The following SHANK2 variants were observed in gnomAD, a reference collection of about 807,000 sequenced individuals.
SHANK2 encodes the protein SH3 and multiple ankyrin repeat domains 2.
Under a neutral mutation model 133.7 loss-of-function variants are expected in SHANK2, and 43 were observed. The ratio of observed to expected loss-of-function variants is 0.32; its 90% CI spans 0.25 to 0.41. The LOEUF (loss-of-function observed/expected upper bound fraction) is 0.41, where lower values mean the gene tolerates loss of function less well. Ranked by LOEUF, SHANK2 falls within the 10% of genes least tolerant of loss-of-function variation. The probability of loss-of-function intolerance (pLI) is 1.00; values close to 1 mark genes in which losing one functional copy is unlikely to be tolerated. For missense variants in SHANK2, 1,994 were observed against 2,235.8 expected, an observed-to-expected ratio of 0.89 and a Z score of 2.18; for synonymous variants, 1,017 against 952.8, an observed-to-expected ratio of 1.07 and a Z score of -1.24.
intron 17 of SHANK2, among the ~76,000 whole-genome samples, chr11:70,554,983 G>A (rs1447951101): frequency 2.7e-5 from 4 of 149,738 alleles, no homozygotes; most frequent in Admixed American, 1.3e-4. Flanking sequence ...CCAACAGCAC[G>A]TGCTCACTTT....
At chr11:71,177,468 G>A (rs1186262104) in intron 2 of SHANK2, among the ~76,000 whole-genome samples, 1 of 152,116 alleles carries the variant, frequency 6.6e-6, no homozygotes, top group Non-Finnish European at 1.5e-5. Flanking sequence ...TGATAAAAGT[G>A]TAGTAAGATA....
intron 2 of SHANK2, among the ~76,000 whole-genome samples, chr11:71,184,351 C>T (rs929094606): frequency 6.6e-6 from 1 of 152,190 alleles, no homozygotes; most frequent in Non-Finnish European, 1.5e-5. Flanking sequence ...AGGCTGCACA[C>T]AGAGGCATCC....
intron 10 of SHANK2, among the ~76,000 whole-genome samples, chr11:70,925,399 A>G (rs1555081399): frequency 6.6e-6 from 1 of 152,196 alleles, no homozygotes; most frequent in Non-Finnish European, 1.5e-5. Flanking sequence ...CTGGAAACCA[A>G]GCTGTGTAAT....
chr11:70,546,786 G>A (rs1263828988), intron 17 of SHANK2, among the ~76,000 whole-genome samples: 2 of 152,200 alleles, frequency 1.3e-5, no homozygotes, highest in African/African-American at 2.4e-5. Context: ...GGCTCTGGGT[G>A]TCTCCAGCGT....
chr11:70,501,713 C>T (rs1199001851), intron 20 of SHANK2, among the ~76,000 whole-genome samples: 3 of 152,196 alleles, frequency 2.0e-5, no homozygotes, highest in Non-Finnish European at 4.4e-5. Flanking sequence ...ACAAAGGTGC[C>T]GGGCGTTCCC....
intron 1 of SHANK2, among the ~76,000 whole-genome samples, chr11:71,240,229 C>A (rs1313724729): frequency 6.6e-6 from 1 of 152,114 alleles, no homozygotes; most frequent in Non-Finnish European, 1.5e-5. Flanking sequence ...TGTATCTTCT[C>A]CCGAGGTCCA....
intron 8 of SHANK2, among the ~76,000 whole-genome samples, chr11:71,079,910 GGGA>G (rs1951274981): frequency 9.9e-6 from 1 of 100,608 alleles, no homozygotes; most frequent in African/African-American, 3.8e-5. Flanking sequence ...GGGAGGGGAG[GGGA>G]AGGAAGGGGA....
In SHANK2 at chr11:71,094,477, G is replaced by C. The variant is rs981589231; in HGVS notation, c.744+60C>G. ...GGATGGGCACTGCGGGGATGGGATG[G>C]GGCAGCCGCACGGAATCAGAGCACG... On this transcript the variant is annotated intron_variant, in intron 7 of 25. Coordinates refer to ENST00000601538, the MANE Select transcript of SHANK2 (RefSeq NM_012309.5). 3 of 1,499,478 alleles carry C rather than the reference G, an allele frequency of 2.0e-6. No homozygotes were observed. The African/African-American group carries it at 4.2e-5, about 21-fold the overall frequency. 92.9% of individuals were successfully genotyped at this position (1,499,478 alleles called of 1,614,324 possible). A position where few individuals can be genotyped will look rare whatever the true frequency, so the allele number is the denominator to read the frequency against.
intron 12 of SHANK2, among the ~76,000 whole-genome samples, chr11:70,812,323 T>C (rs1333728220): frequency 6.6e-6 from 1 of 152,240 alleles, no homozygotes; most frequent in African/African-American, 2.4e-5. Context: ...TTGCAGGCAG[T>C]GATTACCGGG....
intron 2 of SHANK2, among the ~76,000 whole-genome samples, chr11:71,223,061 G>A (rs1555121568): frequency 6.6e-6 from 1 of 152,252 alleles, no homozygotes; most frequent in East Asian, 1.9e-4. Flanking sequence ...TAGAGAGGGA[G>A]CTCAGAGATT....
intron 17 of SHANK2, among the ~76,000 whole-genome samples, chr11:70,591,817 G>C (rs1350224006): frequency 6.6e-6 from 1 of 152,102 alleles, no homozygotes; most frequent in African/African-American, 2.4e-5. Context: ...AGGAGTTCGA[G>C]ACCAGCCTGG....
intron 9 of SHANK2, among the ~76,000 whole-genome samples, chr11:71,074,222 C>T (rs1400520801): frequency 3.3e-5 from 5 of 152,190 alleles, no homozygotes; most frequent in African/African-American, 9.6e-5. Context: ...GGCTGGGGTG[C>T]GTGCCACTGC....
intron 11 of SHANK2, among the ~76,000 whole-genome samples, chr11:70,883,017 T>A (rs1949681011): frequency 1.3e-5 from 2 of 152,070 alleles, no homozygotes; most frequent in South Asian, 4.1e-4. Flanking sequence ...GAAGCAGTGT[T>A]ATGGGCAGCC....
chr11:71,124,634 G>C (rs1952148189), intron 3 of SHANK2, among the ~76,000 whole-genome samples: 1 of 152,088 alleles, frequency 6.6e-6, no homozygotes, highest in African/African-American at 2.4e-5. Context: ...CACACTTCTA[G>C]AAAGCAGTAG....
intron 21 of SHANK2, among the ~76,000 whole-genome samples, chr11:70,492,800 T>G (rs1394694383): frequency 9.8e-5 from 14 of 143,204 alleles, no homozygotes; most frequent in South Asian, 7.1e-4. Flanking sequence ...TTTTTTTTTT[T>G]TTTTTTTTTT....
intron 8 of SHANK2, among the ~76,000 whole-genome samples, chr11:71,076,504 A>C (rs963321514): frequency 6.8e-4 from 51 of 74,588 alleles, no homozygotes; most frequent in South Asian, 2.3e-3. Context: ...CAAAACAAAA[A>C]AAAAACAAAC....
intron 25 of SHANK2, among the ~76,000 whole-genome samples, chr11:70,478,751 C>T (rs2135695223): frequency 6.6e-6 from 1 of 152,232 alleles, no homozygotes; most frequent in Admixed American, 6.5e-5. Context: ...GAGGTCTGGC[C>T]CAGAACAGGG....
chr11:70,656,242 C>T (rs2061404015), intron 17 of SHANK2, among the ~76,000 whole-genome samples: 1 of 152,198 alleles, frequency 6.6e-6, no homozygotes, highest in Non-Finnish European at 1.5e-5. Flanking sequence ...TCCTTTGAAA[C>T]TCTCTGGTCT....
intron 21 of SHANK2, among the ~76,000 whole-genome samples, chr11:70,498,014 CAGCAGACCAGACCTGTG>C (rs2058995776): frequency 6.6e-6 from 1 of 152,236 alleles, no homozygotes; most frequent in Non-Finnish European, 1.5e-5. Context: ...TGGGGGAAAG[CAGCAGACCAGACCTGTG>C]GAGGGCTGCA....
Sources: gnomAD v4.1 joint callset for allele counts (sites outside exome capture counted in the v4.1 genomes callset) on GRCh38, gnomAD v4.1.1 for gene constraint, MANE v1.5 for transcripts, NCBI Gene and HGNC (gene_info 2026-07-23, HGNC 2026-07-21) for gene names.